The following UBE2J2 variants were observed in gnomAD, a reference collection of about 807,000 sequenced individuals.
UBE2J2 encodes ubiquitin conjugating enzyme E2 J2.
Under a neutral mutation model 28.6 loss-of-function variants are expected in UBE2J2, and 5 were observed. That is an observed-to-expected ratio of 0.17 (90% CI 0.09 to 0.37). The LOEUF is 0.37. Ranked by LOEUF, UBE2J2 falls within the 10% of genes least tolerant of loss-of-function variation. The pLI is 1.00. For missense variants in UBE2J2, 226 were observed against 338.9 expected (o/e 0.67, Z 2.62); for synonymous variants, 138 against 139.7 (o/e 0.99, Z 0.09).
chr1:1,255,526 C>A, intron 6 of UBE2J2, 39 bp from the exon 7 acceptor site: 2 of 1,580,020 alleles, frequency 1.3e-6, no homozygotes, highest in Non-Finnish European at 1.7e-6. Flanking sequence ...TGGTCTCCAA[C>A]CAGCGCCTTT....
Position 1,257,434 on chromosome 1 carries a change from G to GCA in UBE2J2, c.173-126_173-125dup, listed in dbSNP as rs1428324872. Reference sequence around the variant, plus strand: ...TCAGCTCGGCTCCCGAGTCCTCATTGCACTCTCCGTCCCCAGCCGGCTCCC... The same window carrying GCA: ...TCAGCTCGGCTCCCGAGTCCTCATTGCACACTCTCCGTCCCCAGCCGGCTCCC... On this transcript the variant is annotated intron_variant, in intron 3 of 6. Coordinates refer to ENST00000349431, the MANE Select transcript of UBE2J2 (RefSeq NM_058167.3). 2.2e-5 allele frequency: 12 copies of GCA among 539,026 alleles called. No homozygotes were observed. The African/African-American group carries it at 3.6e-4, about 16-fold the overall frequency. 33.4% of individuals were successfully genotyped at this position (539,026 alleles called of 1,614,324 possible).
At chr1:1,270,504 C>G (rs527946915) in intron 1 of UBE2J2, among the ~76,000 whole-genome samples, 1 of 152,184 alleles carries the variant, frequency 6.6e-6, no homozygotes, top group East Asian at 1.9e-4. Context: ...CCACCCCCAA[C>G]CCTGCTTCTT....
chr1:1,268,100 C>T lies in UBE2J2; in HGVS notation c.1-108G>A. ...CTGCAGCCCGCCATTCATTCAGGGC[C>T]CGGTCACCCAGAGTCACAGCTCACA... is the stretch of plus-strand genomic sequence containing the variant. On this transcript the variant is annotated intron_variant, in intron 1 of 6. Transcript: ENST00000349431. The surrounding 1 kb of genome is among the most constrained non-coding windows in gnomAD (Gnocchi z 4.7). 1.4e-6 allele frequency: 2 copies of T among 1,469,376 alleles called. No homozygotes were observed. The highest frequency in any genetic ancestry group is 1.8e-5 in the Admixed American group (1 of 56,312). 91.0% of individuals were successfully genotyped at this position (1,469,376 alleles called of 1,614,324 possible).
chr1:1,255,354 G>A lies in UBE2J2; in HGVS notation c.629C>T (p.Pro210Leu), dbSNP rs746501223. 5.5e-5 allele frequency: 89 copies of A among 1,613,686 alleles called. No homozygotes were observed. The highest frequency in any genetic ancestry group is 8.3e-5 in the Admixed American group (5 of 60,014). The part of the protein sequence containing the change: ...NGIQLLNGHA[P>L]GAVPNLAGLQ... ...CCCTGCGAGGTTTGGGACGGCCCCC[G>A]GCGCATGCCCGTTGAGCAGCTGAAT... is the stretch of plus-strand genomic sequence containing the variant. Residue 210 changes from proline to leucine, a missense_variant, in exon 7 of 7, where the codon CCG becomes CTG. By Grantham distance (98) the Pro-to-Leu change is moderately conservative. Coordinates refer to ENST00000349431, the MANE Select transcript of UBE2J2 (RefSeq NM_058167.3).
Position 1,255,351 on chromosome 1 carries a change from C to G in UBE2J2, c.632G>C (p.Gly211Ala), listed in dbSNP as rs900199328. The G allele has an allele frequency of 6.2e-7, 1 of 1,613,680 alleles. No homozygotes were observed. The highest frequency in any genetic ancestry group is 1.3e-5 in the African/African-American group (1 of 74,954). ...GIQLLNGHAP[G>A]AVPNLAGLQQ... ...GAGCCCTGCGAGGTTTGGGACGGCC[C>G]CCGGCGCATGCCCGTTGAGCAGCTG... is the stretch of plus-strand genomic sequence containing the variant. Residue 211 changes from glycine to alanine, a missense_variant, in exon 7 of 7, where the codon GGG becomes GCG. Transcript: ENST00000349431.
At chr1:1,271,974 C>CAAAAAACAAAAAAAAAAAAAAAAAAAAA (rs1640168490) in intron 1 of UBE2J2, among the ~76,000 whole-genome samples, 1 of 27,612 alleles carries the variant, frequency 3.6e-5, no homozygotes, top group African/African-American at 7.5e-5. Context: ...AACTCCGTCT[C>CAAAAAACAAAAAAAAAAAAAAAAAAAAA]AAAAAAAAAA....
Position 1,268,599 on chromosome 1 carries a change from G to C in UBE2J2, c.1-607C>G, listed in dbSNP as rs1367963099. ...CTTCCTGGTAGAAGGGGCCACAGGT[G>C]AACAGGCCACACCTGAGAAAGTGCA... On this transcript the variant is annotated intron_variant, in intron 1 of 6. Coordinates refer to ENST00000349431, the MANE Select transcript of UBE2J2 (RefSeq NM_058167.3). This position sits in a 1 kb window ranked among gnomAD's most constrained non-coding sequence, Gnocchi z 4.7. Among the ~76,000 whole-genome samples the C allele has an allele frequency of 6.6e-6, 1 of 152,192 alleles. No homozygotes were observed. The highest frequency in any genetic ancestry group is 1.9e-4 in the East Asian group (1 of 5,192).
chr1:1,258,003 C>T (rs775532710), intron 3 of UBE2J2, among the ~76,000 whole-genome samples: 1 of 152,024 alleles, frequency 6.6e-6, no homozygotes, highest in Non-Finnish European at 1.5e-5. Context: ...TGAAGATCGA[C>T]CTCAGGGTCA....
chr1:1,260,381 G>C (rs1403637112), intron 3 of UBE2J2, among the ~76,000 whole-genome samples: 12 of 152,236 alleles, frequency 7.9e-5, no homozygotes, highest in Admixed American at 3.9e-4. Flanking sequence ...TACACGGCAG[G>C]AAACAGCCAG....
At chr1:1,273,272 C>CG (rs1301633810) in intron 1 of UBE2J2, 2 of 152,196 alleles carry the variant, frequency 1.3e-5, no homozygotes, top group Non-Finnish European at 2.9e-5. Context: ...TCGTTTCTCT[C>CG]GGGGTTTACG....
intron 3 of UBE2J2, 129 bp from the exon 4 acceptor site, chr1:1,257,439 C>T: frequency 1.7e-6 from 1 of 587,386 alleles, no homozygotes; most frequent in South Asian, 2.0e-5. Flanking sequence ...TCATTGCACT[C>T]TCCGTCCCCA....
intron 2 of UBE2J2, chr1:1,266,198 TGCCTGG>T: frequency 7.8e-7 from 1 of 1,284,644 alleles, no homozygotes; most frequent in East Asian, 5.7e-5. Context: ...ATCCTCCGCC[TGCCTGG>T]GCTGGGCCTC....
At chr1:1,266,000 G>A (rs567915029) in intron 2 of UBE2J2, 44 of 1,259,268 alleles carry the variant, frequency 3.5e-5, no homozygotes, top group Non-Finnish European at 4.3e-5. Context: ...ACTTGGGGAC[G>A]CCTGACCCAC....
At chr1:1,255,810 C>T (rs533313178) in intron 6 of UBE2J2, among the ~76,000 whole-genome samples, 9 of 152,322 alleles carry the variant, frequency 5.9e-5, no homozygotes, top group African/African-American at 1.9e-4. Context: ...CTCAGAACCA[C>T]GAGCTCCACG....
chr1:1,260,793 T>C (rs1639510943), intron 3 of UBE2J2, among the ~76,000 whole-genome samples: 2 of 152,258 alleles, frequency 1.3e-5, no homozygotes, highest in South Asian at 2.1e-4. Context: ...CTCCACTTCA[T>C]TCTTTAGAAA....
chr1:1,263,400 G>A lies in UBE2J2; in HGVS notation c.132-14C>T. ...ACGACATAGTGCCTAAGGGAGAGAA[G>A]AAAATTACTTGGGATTTGAGGACAG... On this transcript the variant is annotated splice_polypyrimidine_tract_variant and intron_variant, in intron 2 of 6. Coordinates refer to ENST00000349431, the MANE Select transcript of UBE2J2 (RefSeq NM_058167.3). 1 of 1,611,658 alleles carries A rather than the reference G, an allele frequency of 6.2e-7. No individual in the cohort carries two copies. The highest frequency in any genetic ancestry group is 8.5e-7 in the Non-Finnish European group (1 of 1,178,000).
At chr1:1,265,406 C>A (rs1639792396) in intron 2 of UBE2J2, among the ~76,000 whole-genome samples, 2 of 152,216 alleles carry the variant, frequency 1.3e-5, no homozygotes, top group African/African-American at 2.4e-5. Flanking sequence ...GGACCAGCCC[C>A]ATAAAGTCCC....
intron 2 of UBE2J2, among the ~76,000 whole-genome samples, chr1:1,267,357 T>C (rs1344337775): frequency 2.0e-5 from 3 of 152,220 alleles, no homozygotes; most frequent in African/African-American, 7.2e-5. Context: ...TCGGGGCACC[T>C]GGCCCAAGCC....
intron 3 of UBE2J2, among the ~76,000 whole-genome samples, chr1:1,260,126 A>T (rs1639470415): frequency 6.6e-6 from 1 of 152,212 alleles, no homozygotes; most frequent in African/African-American, 2.4e-5. Context: ...ACGCAGGAAC[A>T]GGGGTGGAGT....
Sources: allele counts gnomAD v4.1 joint callset (sites outside exome capture counted in the v4.1 genomes callset), GRCh38; gene constraint gnomAD v4.1.1; non-coding constraint Gnocchi (gnomAD v3.1); transcripts MANE v1.5; gene names NCBI Gene and HGNC (gene_info 2026-07-23, HGNC 2026-07-21).